Variants in GNE observed in about 807,000 individuals in gnomAD.
The protein encoded by GNE is bifunctional UDP-N-acetylglucosamine 2-epimerase/N-acetylmannosamine kinase.
GNE carries 41 observed loss-of-function variants against 61.8 expected under a neutral mutation model. The ratio of observed to expected loss-of-function variants is 0.66; its 90% CI spans 0.52 to 0.86. The LOEUF (loss-of-function observed/expected upper bound fraction) is 0.86, where lower values mean the gene tolerates loss of function less well. GNE is among the 40% of genes least tolerant of loss of function. The pLI, the probability that GNE is intolerant of heterozygous loss-of-function variation, is 0.00. For missense variants in GNE, 608 were observed against 909.1 expected, an observed-to-expected ratio of 0.67 and a Z score of 4.26; for synonymous variants, 264 against 326.4, an observed-to-expected ratio of 0.81 and a Z score of 2.06.
intron 7 of GNE, among the ~76,000 whole-genome samples, chr9:36,225,554 G>C (rs1828821757): frequency 6.6e-6 from 1 of 152,080 alleles, no homozygotes; most frequent in East Asian, 1.9e-4. Flanking sequence ...AAAATCACTT[G>C]AGCCCGGGAG....
intron 1 of GNE, among the ~76,000 whole-genome samples, chr9:36,273,931 G>A (rs981995852): frequency 9.2e-5 from 14 of 152,072 alleles, no homozygotes; most frequent in African/African-American, 2.9e-4. Flanking sequence ...CATCGCGTCC[G>A]GCCAATTTGG....
intron 1 of GNE, among the ~76,000 whole-genome samples, chr9:36,273,414 G>A (rs1427398215): frequency 1.3e-5 from 2 of 151,382 alleles, no homozygotes; most frequent in East Asian, 2.0e-4. Flanking sequence ...ACGGGGTTTC[G>A]ACATGTTGGC....
rs1004737965 is a variant in GNE, at chr9:36,267,362, A to G, written c.51+9532T>C. ...AAGAAAGGTACAAATTAACATAATG[A>G]CTTTGTTTTTGTGAAATATTGCCTT... is the stretch of plus-strand genomic sequence containing the variant. On this transcript the variant is annotated intron_variant, in intron 1 of 11. Transcript: ENST00000396594. Among the ~76,000 whole-genome samples, 6 of 152,274 alleles carry G rather than the reference A, an allele frequency of 3.9e-5. No individual in the cohort carries two copies. The East Asian group carries it at 1.2e-3, about 29-fold the overall frequency.
At chr9:36,244,939 C>CAA (rs200558832) in intron 3 of GNE, among the ~76,000 whole-genome samples, 8 of 94,164 alleles carry the variant, frequency 8.5e-5, no homozygotes, top group East Asian at 3.0e-4. Flanking sequence ...GACTCCATCT[C>CAA]AAAAAAAAAA....
rs911030824 is a variant in GNE, at chr9:36,258,306, C to T, written c.-43+15G>A. On this transcript the variant is annotated intron_variant, in intron 1 of 11. Coordinates refer to ENST00000642385, the MANE Select transcript of GNE (RefSeq NM_005476.7). ...GATGCTCTCCCGGAGTCCCACGCCG[C>T]CGCGCGGCTCTCACCAGACGCCGTC... 1.0e-6 allele frequency: 1 copy of T among 985,240 alleles called. No homozygotes were observed. Among genetic ancestry groups the T allele is most frequent in the African/African-American group, 1.7e-5 (1 of 57,244 alleles). The allele number at this position is 985,240 out of a possible 1,614,324, so 61.0% of individuals were successfully genotyped here. A position where few individuals can be genotyped will look rare whatever the true frequency, so the allele number is the denominator to read the frequency against.
chr9:36,242,607 ATGGGGTTTCACCATGT>A (rs1286377022), intron 3 of GNE, among the ~76,000 whole-genome samples: 1 of 151,714 alleles, frequency 6.6e-6, no homozygotes, highest in African/African-American at 2.4e-5. Context: ...TTTAGTAGAG[ATGGGGTTTCACCATGT>A]TGGCCAGGAT....
Position 36,237,609 on chromosome 9 carries a change from A to G in GNE, c.617-625T>C, listed in dbSNP as rs139186790. ...CGCAAGGTATTTACCAATAGGGCCT[A>G]TATTATCCCATAAAACTGAAAGTGA... On this transcript the variant is annotated intron_variant, in intron 3 of 11. Transcript: ENST00000642385. Among the ~76,000 whole-genome samples the G allele has an allele frequency of 3.9e-3, 599 of 152,116 alleles. 1 individual carries two copies. Among genetic ancestry groups the G allele is most frequent in the Non-Finnish European group, 7.5e-3 (507 of 67,994 alleles).
intron 5 of GNE, among the ~76,000 whole-genome samples, chr9:36,231,785 C>G (rs1208073926): frequency 1.3e-5 from 2 of 152,128 alleles, no homozygotes; most frequent in African/African-American, 4.8e-5. Flanking sequence ...ACCAATTATG[C>G]ATCATCTCTA....
chr9:36,221,929 T>A (rs1208993666), intron 9 of GNE, among the ~76,000 whole-genome samples: 1 of 152,134 alleles, frequency 6.6e-6, no homozygotes, highest in Admixed American at 6.5e-5. Context: ...CAGTCCACAC[T>A]CCCAGTACTG....
At position 36,249,393 on chromosome 9, in the gene GNE, A is replaced by T. The variant is rs1363918881; in HGVS notation, c.-38T>A. On this transcript the variant is annotated 5_prime_UTR_variant, in exon 2 of 12. Transcript: ENST00000642385. ...TCGTTTTGAGAGGTTCTTAAAATAG[A>T]GTTCCTGAAATTGCCAAAATAAAAA... 6.2e-7 allele frequency: 1 copy of T among 1,602,590 alleles called. No individual in the cohort carries two copies. The highest frequency in any genetic ancestry group is 8.5e-7 in the Non-Finnish European group (1 of 1,171,932).
chr9:36,226,244 C>A (rs1243431411), intron 7 of GNE, among the ~76,000 whole-genome samples: 3 of 152,146 alleles, frequency 2.0e-5, no homozygotes, highest in Non-Finnish European at 4.4e-5. Context: ...GCGATCTTGG[C>A]TCACTGTAAT....
intron 1 of GNE, among the ~76,000 whole-genome samples, chr9:36,255,151 G>A (rs1475628306): frequency 6.6e-6 from 1 of 152,180 alleles, no homozygotes. Flanking sequence ...AACATTTACT[G>A]TTCTTTGTAA....
At position 36,246,025 on chromosome 9, in the gene GNE, A is replaced by G; in HGVS notation, c.616+6T>C. 1 of 1,609,852 alleles carries G rather than the reference A, an allele frequency of 6.2e-7. No homozygotes were observed. The highest frequency in any genetic ancestry group is 1.1e-5 in the South Asian group (1 of 91,018). On this transcript the variant is annotated splice_donor_region_variant and intron_variant, in intron 3 of 11. Coordinates refer to ENST00000642385, the MANE Select transcript of GNE (RefSeq NM_005476.7). ...CATTAGACTGACTAAAGTCTGAGAT[A>G]CGTACCTAGCCACATGCGAATGATG...
chr9:36,265,870 A>G (rs1354665449), intron 1 of GNE, among the ~76,000 whole-genome samples: 1 of 152,218 alleles, frequency 6.6e-6, no homozygotes, highest in East Asian at 1.9e-4. Flanking sequence ...GGAGGAATGT[A>G]GACGGTAATG....
chr9:36,245,049 G>C (rs1196802923), intron 3 of GNE, among the ~76,000 whole-genome samples: 2 of 151,938 alleles, frequency 1.3e-5, no homozygotes, highest in Non-Finnish European at 2.9e-5. Flanking sequence ...AGGCTGAGGT[G>C]GGCGGATCAC....
rs200278654 is a variant in GNE, at chr9:36,218,245, G to A, written c.1871C>T (p.Ala624Val). Residue 624 changes from alanine to valine, a missense_variant, in exon 11 of 12, where the codon GCG becomes GTG. By Grantham distance (64) the Ala-to-Val change is moderately conservative. Transcript: ENST00000642385. This position sits in a 1 kb window ranked among gnomAD's most constrained non-coding sequence, Gnocchi z 4.1. The part of the protein sequence containing the change: ...MSVPKDEAVG[A>V]LHLIQAAKLG... ...TTTCGCAGCTTGGATGAGATGGAGC[G>A]CACCCACAGCCTCATCTTTTGGCAC... The A allele has an allele frequency of 3.7e-5, 60 of 1,613,804 alleles. No individual in the cohort carries two copies. The highest frequency in any genetic ancestry group is 4.8e-5 in the Non-Finnish European group (57 of 1,179,930).
intron 3 of GNE, 63 bp from the exon 4 acceptor site, chr9:36,237,047 A>C (rs1225956501): frequency 7.5e-7 from 1 of 1,332,730 alleles, no homozygotes; most frequent in Non-Finnish European, 1.1e-6. Flanking sequence ...AGAAAGAAGC[A>C]AATTCTGAAA....
chr9:36,247,951 G>A (rs980127962), intron 2 of GNE, among the ~76,000 whole-genome samples: 1 of 149,106 alleles, frequency 6.7e-6, no homozygotes, highest in African/African-American at 2.5e-5. Flanking sequence ...ACTTGAACCC[G>A]GGAGGTGGAA....
At chr9:36,234,944 T>C (rs1051909729) in intron 4 of GNE, among the ~76,000 whole-genome samples, 1 of 152,212 alleles carries the variant, frequency 6.6e-6, no homozygotes, top group Non-Finnish European at 1.5e-5. Context: ...TCTCTCTATA[T>C]ACAGTCTTGC....
Sources: allele counts gnomAD v4.1 joint callset (sites outside exome capture counted in the v4.1 genomes callset), GRCh38; gene constraint gnomAD v4.1.1; non-coding constraint Gnocchi (gnomAD v3.1); transcripts MANE v1.5; gene names NCBI Gene and HGNC (gene_info 2026-07-23, HGNC 2026-07-21).